Variants in CSGALNACT1 observed in about 807,000 individuals in gnomAD.
CSGALNACT1 encodes the protein chondroitin sulfate N-acetylgalactosaminyltransferase 1.
Under a neutral mutation model 51.0 loss-of-function variants are expected in CSGALNACT1, and 52 were observed. The ratio of observed to expected loss-of-function variants is 1.02; its 90% CI spans 0.82 to 1.29. The LOEUF (loss-of-function observed/expected upper bound fraction) is 1.29, where lower values mean the gene tolerates loss of function less well. Ranked by LOEUF, CSGALNACT1 falls within the 50% of genes most tolerant of loss-of-function variation. CSGALNACT1 has a pLI of 0.00. For synonymous variants in CSGALNACT1, 341 were observed against 254.4 expected (o/e 1.34, Z -3.24); for missense variants, 935 against 679.2 (o/e 1.38, Z -4.19).
intron 1 of CSGALNACT1, among the ~76,000 whole-genome samples, chr8:19,610,377 AC>A (rs528708117): frequency 5.4e-4 from 81 of 151,056 alleles, no homozygotes; most frequent in African/African-American, 1.8e-3. Flanking sequence ...TAGGATTCCA[AC>A]CCCCACGGAC....
intron 1 of CSGALNACT1, among the ~76,000 whole-genome samples, chr8:19,657,544 A>C (rs2058390768): frequency 6.6e-6 from 1 of 152,244 alleles, no homozygotes; most frequent in African/African-American, 2.4e-5. Context: ...AAGATGGATT[A>C]TCTTTAAAGG....
intron 1 of CSGALNACT1, among the ~76,000 whole-genome samples, chr8:19,695,964 T>A (rs2061560702): frequency 1.3e-5 from 2 of 152,236 alleles, no homozygotes; most frequent in Admixed American, 6.5e-5. Context: ...TATTTATAGT[T>A]CTTTCTTAAT....
At chr8:19,635,227 T>C (rs1176197418) in intron 1 of CSGALNACT1, among the ~76,000 whole-genome samples, 2 of 152,152 alleles carry the variant, frequency 1.3e-5, no homozygotes, top group Admixed American at 6.5e-5. Context: ...CCCACACTGG[T>C]GGAAAAGCCT....
intron 1 of CSGALNACT1, among the ~76,000 whole-genome samples, chr8:19,646,541 G>C (rs1247361909): frequency 6.6e-6 from 1 of 152,232 alleles, no homozygotes. Context: ...TCCAACGGAT[G>C]TGACAGCCCC....
chr8:19,715,431 C>T (rs370260597), intron 1 of CSGALNACT1, among the ~76,000 whole-genome samples: 3 of 152,328 alleles, frequency 2.0e-5, no homozygotes, highest in East Asian at 3.9e-4. Context: ...CCTCCACCTC[C>T]ACCAATGTTG....
chr8:19,691,121 T>G (rs769688919), intron 1 of CSGALNACT1, among the ~76,000 whole-genome samples: 3 of 151,918 alleles, frequency 2.0e-5, no homozygotes, highest in Non-Finnish European at 2.9e-5. Flanking sequence ...CAAATAAAAC[T>G]CTCTGCGGCT....
At chr8:19,697,444 G>C (rs1289247826) in intron 1 of CSGALNACT1, among the ~76,000 whole-genome samples, 3 of 152,166 alleles carry the variant, frequency 2.0e-5, no homozygotes, top group African/African-American at 7.2e-5. Context: ...TGTCCAGACA[G>C]AACCACAAGT....
chr8:19,702,632 T>C (rs1408346958), intron 1 of CSGALNACT1, among the ~76,000 whole-genome samples: 1 of 152,160 alleles, frequency 6.6e-6, no homozygotes, highest in Non-Finnish European at 1.5e-5. Flanking sequence ...TAAGCACTGG[T>C]TGTCCCCTGC....
At chr8:19,692,069 G>GTAC (rs1554809588) in intron 1 of CSGALNACT1, among the ~76,000 whole-genome samples, 1 of 151,942 alleles carries the variant, frequency 6.6e-6, no homozygotes, top group African/African-American at 2.4e-5. Context: ...AGCAAGAGTA[G>GTAC]GGAAAACTGC....
intron 8 of CSGALNACT1, among the ~76,000 whole-genome samples, chr8:19,411,558 G>A (rs1044502803): frequency 6.6e-6 from 1 of 152,246 alleles, no homozygotes; most frequent in Admixed American, 6.5e-5. Context: ...GGGAAATGCA[G>A]TGGTGAGAAC....
chr8:19,674,604 C>T (rs1318005096), intron 1 of CSGALNACT1, among the ~76,000 whole-genome samples: 1 of 151,992 alleles, frequency 6.6e-6, no homozygotes, highest in Admixed American at 6.6e-5. Flanking sequence ...ACTCCAGGAC[C>T]CTGGCCTTTA....
At chr8:19,732,171 C>T (rs756300201) in intron 1 of CSGALNACT1, among the ~76,000 whole-genome samples, 2 of 152,166 alleles carry the variant, frequency 1.3e-5, no homozygotes, top group Non-Finnish European at 1.5e-5. Context: ...TAAAACGGCA[C>T]GTTATCAAAT....
intron 3 of CSGALNACT1, among the ~76,000 whole-genome samples, chr8:19,563,258 C>A (rs1194873208): frequency 6.6e-6 from 1 of 152,032 alleles, no homozygotes; most frequent in African/African-American, 2.4e-5. Flanking sequence ...AGGGGAACGA[C>A]ACACAATCGG....
chr8:19,555,993 G>A lies in CSGALNACT1; in HGVS notation c.-297+35167C>T, dbSNP rs562042102. 3.3e-5 allele frequency among the ~76,000 whole-genome samples: 5 copies of A among 152,248 alleles called. No homozygotes were observed. The East Asian group carries it at 9.6e-4, about 29-fold the overall frequency. On this transcript the variant is annotated intron_variant, in intron 3 of 9. Transcript: ENST00000454498. ...AGCCATCAGGAACCGGCATTCTGTG[G>A]TGTGTTTTTTTACCCTCGAAGATAA...
chr8:19,654,396 T>C (rs1000673994), intron 1 of CSGALNACT1, among the ~76,000 whole-genome samples: 6 of 152,308 alleles, frequency 3.9e-5, no homozygotes, highest in African/African-American at 1.2e-4. Context: ...TGTGACGCAC[T>C]GGAAAGAGAA....
rs574194911 is a variant in CSGALNACT1, at chr8:19,440,162, C to A, written c.852-231G>T. ...TTTAAACATGCAGTAAATCAAAACT[C>A]TGATGCAAGGCACCTCAGGTCCAAT... On this transcript the variant is annotated intron_variant, in intron 5 of 9. Transcript: ENST00000454498. Among the ~76,000 whole-genome samples, 6 of 152,316 alleles carry A rather than the reference C, an allele frequency of 3.9e-5. 1 individual carries two copies. In the South Asian group the frequency reaches 1.2e-3, roughly 32 times the overall value.
intron 8 of CSGALNACT1, among the ~76,000 whole-genome samples, chr8:19,417,016 C>T (rs960081371): frequency 1.1e-4 from 16 of 152,090 alleles, no homozygotes; most frequent in East Asian, 1.9e-4. Flanking sequence ...CCACTATGCA[C>T]GCCTAATTTT....
intron 3 of CSGALNACT1, among the ~76,000 whole-genome samples, chr8:19,534,830 C>A (rs938420619): frequency 2.0e-5 from 3 of 152,152 alleles, no homozygotes; most frequent in African/African-American, 7.2e-5. Flanking sequence ...ATTTGGCAAT[C>A]TTTTTTCTTC....
intron 5 of CSGALNACT1, among the ~76,000 whole-genome samples, chr8:19,445,128 C>T (rs972006323): frequency 5.9e-5 from 9 of 152,176 alleles, no homozygotes; most frequent in African/African-American, 1.9e-4. Context: ...AAACCAGGAG[C>T]TCCCACTTAG....
Sources: gnomAD v4.1 joint callset for allele counts (sites outside exome capture counted in the v4.1 genomes callset) on GRCh38, gnomAD v4.1.1 for gene constraint, MANE v1.5 for transcripts, NCBI Gene and HGNC (gene_info 2026-07-23, HGNC 2026-07-21) for gene names.